SYT3: variants seen among roughly 807,000 people sequenced by gnomAD.
SYT3 encodes synaptotagmin 3, also known as synaptotagmin-3.
SYT3 carries 25 observed loss-of-function variants against 50.6 expected under a neutral mutation model. The observed-to-expected ratio is 0.49, with a 90% confidence interval of 0.36 to 0.69. The LOEUF is 0.69. SYT3 is among the 30% of genes least tolerant of loss of function. The pLI, the probability that SYT3 is intolerant of heterozygous loss-of-function variation, is 0.00. For missense variants in SYT3, 589 were observed against 793.6 expected (o/e 0.74, Z 3.10); for synonymous variants, 323 against 353.9 (o/e 0.91, Z 0.98).
rs1984278937 is a variant in SYT3, at chr19:50,630,924, A to C, written c.675-753T>G. Among the ~76,000 whole-genome samples, 3 of 152,110 alleles carry C rather than the reference A, an allele frequency of 2.0e-5. No homozygotes were observed. The South Asian group carries it at 6.2e-4, about 32-fold the overall frequency. ...ATCCCCACTGTCCTGGTCACAGCTC[A>C]GGCCTTGTCCTCTCCTGGACTCTCA... On this transcript the variant is annotated intron_variant, in intron 4 of 10. Transcript: ENST00000600079.
intron 6 of SYT3, among the ~76,000 whole-genome samples, chr19:50,626,417 A>G (rs900881685): frequency 6.6e-6 from 1 of 151,970 alleles, no homozygotes; most frequent in Non-Finnish European, 1.5e-5. Context: ...AGACACAGAG[A>G]GAGACCCAGA....
the SYT3 span, among the ~76,000 whole-genome samples, chr19:50,650,051 C>T: frequency 2.0e-5 from 3 of 152,164 alleles, no homozygotes; most frequent in Admixed American, 2.0e-4. Context: ...TGGACCCTCT[C>T]CTCACCTCCT....
chr19:50,629,614 A>G, intron 5 of SYT3, 102 bp from the exon 6 acceptor site: 2 of 1,260,538 alleles, frequency 1.6e-6, no homozygotes, highest in South Asian at 2.9e-5. Context: ...CAGACCCAGG[A>G]GTCCAGGCCC....
Position 50,637,255 on chromosome 19 carries a change from G to C in SYT3, c.148+9C>G. Reference sequence around the variant, plus strand: ...CAGGGGGCTGGCCAAGACAGGCAGGGGTGCTGACCTGCATCTGGACCCCGG... The same window carrying C: ...CAGGGGGCTGGCCAAGACAGGCAGGCGTGCTGACCTGCATCTGGACCCCGG... On this transcript the variant is annotated intron_variant, in intron 3 of 10. Transcript: ENST00000600079. This position sits in a 1 kb window ranked among gnomAD's most constrained non-coding sequence, Gnocchi z 4.9. 6.2e-7 allele frequency: 1 copy of C among 1,611,630 alleles called. No homozygotes were observed. Among genetic ancestry groups the C allele is most frequent in the African/African-American group, 1.3e-5 (1 of 75,004 alleles).
Position 50,625,754 on chromosome 19 carries a change from TG to T in SYT3, c.1402+142del. The T allele has an allele frequency of 2.7e-5, 25 of 920,116 alleles. No individual in the cohort carries two copies. Among genetic ancestry groups the T allele is most frequent in the South Asian group, 8.3e-5 (5 of 60,550 alleles). 57.0% of individuals were successfully genotyped at this position (920,116 alleles called of 1,614,324 possible). On this transcript the variant is annotated intron_variant, in intron 7 of 10. Coordinates refer to ENST00000600079, the MANE Select transcript of SYT3 (RefSeq NM_001160329.2). The surrounding 1 kb of genome is among the most constrained non-coding windows in gnomAD (Gnocchi z 7.5). ...TCTCCGACCCAGGAGTCCAGGCCCC[TG>T]GCCCCTCCTCCCTCAGACCCAGGAG...
the SYT3 span, among the ~76,000 whole-genome samples, chr19:50,653,722 A>ACG: frequency 1.4e-5 from 2 of 145,908 alleles, no homozygotes; most frequent in African/African-American, 2.7e-5. Flanking sequence ...ACACACACAC[A>ACG]CACACACACA....
intron 9 of SYT3, among the ~76,000 whole-genome samples, chr19:50,623,837 A>T (rs546488500): frequency 3.0e-4 from 46 of 151,858 alleles, no homozygotes; most frequent in East Asian, 2.7e-3. Flanking sequence ...GCAAGATTTT[A>T]AAAAAAATCA....
In SYT3 at chr19:50,639,530, G is replaced by A. The variant is rs191188636; in HGVS notation, c.-154+260C>T. On this transcript the variant is annotated intron_variant, in intron 1 of 10. Coordinates refer to ENST00000600079, the MANE Select transcript of SYT3 (RefSeq NM_001160329.2). The surrounding 1 kb of genome is among the most constrained non-coding windows in gnomAD (Gnocchi z 4.6). Reference sequence around the variant, plus strand: ...AAAGCCACGGAGCCCTAAGTCCTTAGGGGCCACGGAATGAGGAAACGATCC... The same window carrying A: ...AAAGCCACGGAGCCCTAAGTCCTTAAGGGCCACGGAATGAGGAAACGATCC... Among the ~76,000 whole-genome samples, 1 of 152,076 alleles carries A rather than the reference G, an allele frequency of 6.6e-6. No homozygotes were observed. The highest frequency in any genetic ancestry group is 6.5e-5 in the Admixed American group (1 of 15,296).
upstream of SYT3, among the ~76,000 whole-genome samples, chr19:50,644,386 G>A (rs186484640): frequency 2.4e-3 from 361 of 152,168 alleles, 1 homozygote; most frequent in Middle Eastern, 6.8e-3. Context: ...ATGGATGATT[G>A]GATGGATAGA....
At chr19:50,640,405 T>C (rs1418179788), upstream of SYT3, among the ~76,000 whole-genome samples, 2 of 152,210 alleles carry the variant, frequency 1.3e-5, no homozygotes, top group Non-Finnish European at 1.5e-5. Flanking sequence ...AGACAAAACA[T>C]TGGTACCAAC....
In SYT3 at chr19:50,637,112, G is replaced by C. The variant is rs906511879; in HGVS notation, c.148+152C>G. ...CACACAGCTCCTTCCCCTTGGATCA[G>C]AGATTTGGGAGAAGGGCAGCAGCAG... On this transcript the variant is annotated intron_variant, in intron 3 of 10. Coordinates refer to ENST00000600079, the MANE Select transcript of SYT3 (RefSeq NM_001160329.2). This position sits in a 1 kb window ranked among gnomAD's most constrained non-coding sequence, Gnocchi z 4.9. 5 of 1,036,446 alleles carry C rather than the reference G, an allele frequency of 4.8e-6. No homozygotes were observed. Among genetic ancestry groups the C allele is most frequent in the African/African-American group, 4.7e-5 (3 of 63,164 alleles). 64.2% of individuals were successfully genotyped at this position (1,036,446 alleles called of 1,614,324 possible). A position where few individuals can be genotyped will look rare whatever the true frequency, so the allele number is the denominator to read the frequency against.
rs1235775840 is a variant in SYT3, at chr19:50,632,461, A to T, written c.499T>A (p.Tyr167Asn). 6.2e-7 allele frequency: 1 copy of T among 1,613,468 alleles called. No individual in the cohort carries two copies. Residue 167 changes from tyrosine (Y) to asparagine (N), a missense_variant, in exon 4 of 11, where the codon TAT (tyrosine) becomes AAT (asparagine). This residue lies in a region of SYT3 where 316 missense variants were observed against 354.3 expected (regional missense o/e 0.89). Transcript: ENST00000600079. The surrounding 1 kb of genome is among the most constrained non-coding windows in gnomAD (Gnocchi z 4.7). The part of the protein sequence containing the change: ...PEPSYLDMDS[Y>N]PEAAAAAVAA... ...ACTGCTGCTGCTGCAGCCTCTGGAT[A>T]CGAGTCCATGTCCAAGTAGGAGGGC...
the SYT3 span, among the ~76,000 whole-genome samples, chr19:50,649,270 C>T: frequency 6.6e-6 from 1 of 151,682 alleles, no homozygotes; most frequent in African/African-American, 2.4e-5. Flanking sequence ...TCCCTGAGGT[C>T]AGGGGAACCC....
chr19:50,628,471 G>A (rs1264849488), intron 6 of SYT3, among the ~76,000 whole-genome samples: 1 of 152,122 alleles, frequency 6.6e-6, no homozygotes, highest in Non-Finnish European at 1.5e-5. Flanking sequence ...AGGCCTGGGG[G>A]ATCAAGCTAT....
rs1170286659 is a variant in SYT3, at chr19:50,629,781, G to A, written c.1062+3C>T. 6.2e-7 allele frequency: 1 copy of A among 1,610,628 alleles called. No individual in the cohort carries two copies. Among genetic ancestry groups the A allele is most frequent in the Non-Finnish European group, 8.5e-7 (1 of 1,178,218 alleles). On this transcript the variant is annotated splice_donor_region_variant and intron_variant, in intron 5 of 10. Transcript: ENST00000600079. ...ACCCGGTGTCCAGCCCGCTGCTCCG[G>A]ACCTTGGTCTGAAACTTTTTCTTGC... is the stretch of plus-strand genomic sequence containing the variant.
the SYT3 span, among the ~76,000 whole-genome samples, chr19:50,648,559 C>T: frequency 4.9e-5 from 7 of 143,528 alleles, no homozygotes; most frequent in Non-Finnish European, 1.1e-4. Context: ...GGCTAGACCC[C>T]TTCTCTCTAG....
the SYT3 span, among the ~76,000 whole-genome samples, chr19:50,652,974 G>A: frequency 0.53 from 79,961 of 152,018 alleles, 22,763 homozygotes; most frequent in Admixed American, 0.64. Flanking sequence ...GTTTCATCAT[G>A]TGTTAAACAA....
At chr19:50,647,619 G>A in the SYT3 span, among the ~76,000 whole-genome samples, 1 of 152,084 alleles carries the variant, frequency 6.6e-6, no homozygotes, top group East Asian at 1.9e-4. Flanking sequence ...GGTCAAGGCT[G>A]TTATACCGCT....
At chr19:50,627,746 T>TGA (rs1158759681) in intron 6 of SYT3, among the ~76,000 whole-genome samples, 1 of 116,314 alleles carries the variant, frequency 8.6e-6, no homozygotes, top group Non-Finnish European at 1.8e-5. Flanking sequence ...AAAAAAAAAA[T>TGA]GAGAGAGAGA....
Sources: gnomAD v4.1 joint callset for allele counts (sites outside exome capture counted in the v4.1 genomes callset) on GRCh38, gnomAD v4.1.1 for gene constraint, gnomAD v4.1.1 regional missense constraint, Gnocchi (gnomAD v3.1) non-coding constraint, MANE v1.5 for transcripts, NCBI Gene and HGNC (gene_info 2026-07-23, HGNC 2026-07-21) for gene names.